The following GPR158 variants were observed in gnomAD, a reference collection of about 807,000 sequenced individuals.
The protein encoded by GPR158 is G protein-coupled receptor 158, also known as metabotropic glycine receptor.
A neutral mutation model predicts 78.2 loss-of-function variants in GPR158; 30 were observed. The observed-to-expected ratio is 0.38, with a 90% CI of 0.29 to 0.52. GPR158 has a LOEUF of 0.52. GPR158 is among the 20% of genes least tolerant of loss of function. GPR158 has a pLI of 0.83. For missense variants in GPR158, 1,463 were observed against 1,523.5 expected (o/e 0.96, Z 0.66); for synonymous variants, 581 against 591.1 (o/e 0.98, Z 0.25).
At chr10:25,313,940 C>T (rs1237079713) in intron 2 of GPR158, among the ~76,000 whole-genome samples, 2 of 152,070 alleles carry the variant, frequency 1.3e-5, no homozygotes, top group Non-Finnish European at 2.9e-5. Context: ...GTGTAATTAT[C>T]CGATGAAACC....
chr10:25,313,507 T>A (rs1044391155), intron 2 of GPR158, among the ~76,000 whole-genome samples: 4 of 146,864 alleles, frequency 2.7e-5, no homozygotes, highest in South Asian at 2.1e-4. Context: ...AAAAAAAAAA[T>A]ATATTTTAAT....
At chr10:25,339,269 C>T (rs1319589921) in intron 2 of GPR158, among the ~76,000 whole-genome samples, 2 of 151,968 alleles carry the variant, frequency 1.3e-5, no homozygotes, top group East Asian at 3.9e-4. Flanking sequence ...TTACAGGCAT[C>T]AGCCACCAGG....
chr10:25,567,107 AC>A lies in GPR158; in HGVS notation c.1515-5541del, dbSNP rs1247642353. On this transcript the variant is annotated intron_variant, in intron 6 of 10. Coordinates refer to ENST00000376351, the MANE Select transcript of GPR158 (RefSeq NM_020752.3). ...TCCAATTAAGGTAATAGGACAGAAG[AC>A]TGGATGGCTTGAGGATATATATTTT... is the stretch of plus-strand genomic sequence containing the variant. Among the ~76,000 whole-genome samples, 5 of 152,238 alleles carry A rather than the reference AC, an allele frequency of 3.3e-5. No homozygotes were observed. The East Asian group carries it at 9.6e-4, about 29-fold the overall frequency.
chr10:25,415,049 TGA>T (rs1375639625), intron 4 of GPR158, among the ~76,000 whole-genome samples: 2 of 152,076 alleles, frequency 1.3e-5, no homozygotes, highest in African/African-American at 2.4e-5. Context: ...TAGATCGAAA[TGA>T]GAGAGTAAAA....
rs1196534197 is a variant in GPR158 at position 25,457,114 on chromosome 10, A to G, written c.1336-9537A>G. The stretch of plus-strand genomic sequence containing the variant: ...CAGCCTCCCTTGTAGCTGGGATTAC[A>G]GGTGCCTGCCAGCCACCATGCCCAC... On this transcript the variant is annotated intron_variant, in intron 4 of 10. Transcript: ENST00000376351. Among the ~76,000 whole-genome samples the G allele has an allele frequency of 2.9e-5, 4 of 137,096 alleles. No homozygotes were observed. In the East Asian group the frequency reaches 8.3e-4, roughly 28 times the overall value. The allele number at this position is 137,096 out of a possible 152,430, so 89.9% of individuals were successfully genotyped here.
At chr10:25,219,970 A>AT (rs1853276362) in intron 1 of GPR158, among the ~76,000 whole-genome samples, 1 of 152,008 alleles carries the variant, frequency 6.6e-6, no homozygotes, top group African/African-American at 2.4e-5. Flanking sequence ...TTATTTTGTA[A>AT]TTGTGTGGGA....
chr10:25,461,755 T>G (rs1369670916), intron 4 of GPR158, among the ~76,000 whole-genome samples: 1 of 145,274 alleles, frequency 6.9e-6, no homozygotes, highest in Admixed American at 7.0e-5. Flanking sequence ...TTTTTTGAGA[T>G]GGAGTCTTGC....
Position 25,474,897 on chromosome 10 carries a change from A to T in GPR158, c.1404+8178A>T, listed in dbSNP as rs557979994. ...TTATTTATATTTATTTAGCATCTGC[A>T]GTTAGGCAATAAAAACACTTTCTCA... On this transcript the variant is annotated intron_variant, in intron 5 of 10. Transcript: ENST00000376351. 3.7e-4 allele frequency among the ~76,000 whole-genome samples: 57 copies of T among 152,146 alleles called. No homozygotes were observed. The South Asian group carries it at 0.012, about 31-fold the overall frequency.
chr10:25,247,420 T>G (rs1431921659), intron 2 of GPR158, among the ~76,000 whole-genome samples: 2 of 143,976 alleles, frequency 1.4e-5, no homozygotes, highest in Admixed American at 7.0e-5. Flanking sequence ...ACCCACTAAC[T>G]CGTCATCTAG....
At chr10:25,391,761 G>C (rs1420417707) in intron 2 of GPR158, among the ~76,000 whole-genome samples, 3 of 152,130 alleles carry the variant, frequency 2.0e-5, no homozygotes, top group Non-Finnish European at 4.4e-5. Context: ...CAGTTGGGAA[G>C]GCATGATTTG....
At chr10:25,509,748 G>A (rs933178422) in intron 5 of GPR158, among the ~76,000 whole-genome samples, 2 of 152,038 alleles carry the variant, frequency 1.3e-5, no homozygotes, top group Non-Finnish European at 2.9e-5. Context: ...GCAGAATCTC[G>A]CTCTGTCACC....
chr10:25,303,131 A>T (rs1474267674), intron 2 of GPR158, among the ~76,000 whole-genome samples: 2 of 152,230 alleles, frequency 1.3e-5, no homozygotes, highest in Non-Finnish European at 2.9e-5. Context: ...GCTACTGTGA[A>T]TATTAACTCT....
chr10:25,278,073 T>C (rs781520748), intron 2 of GPR158, among the ~76,000 whole-genome samples: 2 of 152,092 alleles, frequency 1.3e-5, no homozygotes, highest in Non-Finnish European at 2.9e-5. Flanking sequence ...AGCCAAATAA[T>C]ATGTGATGAA....
At chr10:25,382,905 C>T (rs1259577782) in intron 2 of GPR158, among the ~76,000 whole-genome samples, 4 of 152,052 alleles carry the variant, frequency 2.6e-5, no homozygotes, top group African/African-American at 4.8e-5. Flanking sequence ...GATCTCGGCT[C>T]ATTGCAACCT....
chr10:25,257,897 G>A (rs1192183672), intron 2 of GPR158, among the ~76,000 whole-genome samples: 1 of 152,096 alleles, frequency 6.6e-6, no homozygotes, highest in Non-Finnish European at 1.5e-5. Context: ...TAGGAAAAAT[G>A]AAGAGATGAA....
intron 5 of GPR158, among the ~76,000 whole-genome samples, chr10:25,510,529 CTT>C (rs993239634): frequency 6.6e-6 from 1 of 150,842 alleles, no homozygotes; most frequent in African/African-American, 2.5e-5. Flanking sequence ...CATCAAAGGA[CTT>C]TGTTTTATTT....
chr10:25,207,944 T>A (rs185232343), intron 1 of GPR158, among the ~76,000 whole-genome samples: 1 of 152,358 alleles, frequency 6.6e-6, no homozygotes, highest in Non-Finnish European at 1.5e-5. Flanking sequence ...GATATTATTT[T>A]ACTCTTATGC....
At chr10:25,539,870 T>C (rs1836552937) in intron 5 of GPR158, among the ~76,000 whole-genome samples, 1 of 152,184 alleles carries the variant, frequency 6.6e-6, no homozygotes, top group Non-Finnish European at 1.5e-5. Context: ...ATAGTAAGAT[T>C]TGAAGGACAT....
intron 2 of GPR158, among the ~76,000 whole-genome samples, chr10:25,275,278 G>T (rs1452811544): frequency 1.3e-5 from 2 of 152,140 alleles, no homozygotes; most frequent in Non-Finnish European, 2.9e-5. Context: ...CAGGAGCAAG[G>T]TTTTTGAAGT....
Sources: allele counts gnomAD v4.1 joint callset (sites outside exome capture counted in the v4.1 genomes callset), GRCh38; gene constraint gnomAD v4.1.1; transcripts MANE v1.5; gene names NCBI Gene and HGNC (gene_info 2026-07-23, HGNC 2026-07-21).